Variants in SPRED2 observed in about 807,000 individuals in gnomAD.
The protein encoded by SPRED2 is sprouty related EVH1 domain containing 2, also known as sprouty-related, EVH1 domain-containing protein 2.
Under a neutral mutation model 43.0 loss-of-function variants are expected in SPRED2, and 47 were observed. The observed-to-expected ratio is 1.09, with a 90% CI of 0.87 to 1.40. The LOEUF is 1.40. Ranked by LOEUF, SPRED2 falls within the 40% of genes most tolerant of loss-of-function variation. SPRED2 has a pLI of 0.00. For synonymous variants in SPRED2, 225 were observed against 225.7 expected (o/e 1.00, Z 0.03); for missense variants, 561 against 586.4 (o/e 0.96, Z 0.45).
intron 4 of SPRED2, 50 bp from the exon 5 acceptor site, chr2:65,316,933 C>T (rs1380624517): frequency 6.3e-7 from 1 of 1,588,028 alleles, no homozygotes; most frequent in Admixed American, 1.7e-5. Flanking sequence ...ACAACAAAAA[C>T]CCCACGCAGC....
chr2:65,376,603 C>A (rs1396181473), intron 1 of SPRED2, among the ~76,000 whole-genome samples: 1 of 152,144 alleles, frequency 6.6e-6, no homozygotes, highest in African/African-American at 2.4e-5. Flanking sequence ...GTGTATCCTT[C>A]TAGGGTTTAT....
chr2:65,349,047 G>C (rs1047281227), intron 1 of SPRED2, among the ~76,000 whole-genome samples: 2 of 152,108 alleles, frequency 1.3e-5, no homozygotes, highest in Admixed American at 6.5e-5. Context: ...AGTGGCTCAC[G>C]CCTGTAATCC....
At chr2:65,427,015 T>C (rs964216385) in intron 1 of SPRED2, among the ~76,000 whole-genome samples, 5 of 152,206 alleles carry the variant, frequency 3.3e-5, no homozygotes, top group Admixed American at 2.6e-4. Context: ...CTATGACAGG[T>C]CCTAGCTTAC....
At chr2:65,314,375 A>T (rs778670004) in intron 5 of SPRED2, among the ~76,000 whole-genome samples, 4 of 152,222 alleles carry the variant, frequency 2.6e-5, no homozygotes, top group Non-Finnish European at 4.4e-5. Flanking sequence ...ATAGAGTCTC[A>T]ATCCATTAAT....
chr2:65,308,478 G>A, downstream of SPRED2: 2 of 985,428 alleles, frequency 2.0e-6, no homozygotes, highest in Non-Finnish European at 2.4e-6. Flanking sequence ...CACACAGGAT[G>A]TAGATCTAAA....
At chr2:65,428,328 TAA>T (rs1676603047) in intron 1 of SPRED2, among the ~76,000 whole-genome samples, 1 of 152,242 alleles carries the variant, frequency 6.6e-6, no homozygotes, top group African/African-American at 2.4e-5. Context: ...CCTTAGATCA[TAA>T]AGTGAGCAAA....
At position 65,344,372 on chromosome 2, in the gene SPRED2, T is replaced by A. The variant is rs971589574; in HGVS notation, c.204+347A>T. The A allele has an allele frequency of 2.8e-5, 10 of 354,062 alleles. No individual in the cohort carries two copies. In the Admixed American group the frequency reaches 3.7e-4, roughly 13 times the overall value. The allele number at this position is 354,062 out of a possible 1,614,324, so 21.9% of individuals were successfully genotyped here. ...AATAAACTCTACATTTTTAAAACACTGACTTCACAGCTCAGTACAATGTGA... is the reference window on the plus strand; with the variant it reads ...AATAAACTCTACATTTTTAAAACACAGACTTCACAGCTCAGTACAATGTGA... On this transcript the variant is annotated intron_variant, in intron 2 of 5. Coordinates refer to ENST00000356388, the MANE Select transcript of SPRED2 (RefSeq NM_181784.3).
intron 4 of SPRED2, among the ~76,000 whole-genome samples, chr2:65,321,899 A>C (rs930076429): frequency 1.1e-4 from 16 of 152,008 alleles, no homozygotes; most frequent in Non-Finnish European, 1.8e-4. Context: ...CAGCCTCCCG[A>C]GTGGCTGGGA....
intron 1 of SPRED2, among the ~76,000 whole-genome samples, chr2:65,401,933 G>GC (rs141434693): frequency 2.4e-5 from 2 of 83,754 alleles, no homozygotes; most frequent in Non-Finnish European, 5.0e-5. Flanking sequence ...ATTAGCGCGC[G>GC]CGCGCACACA....
intron 1 of SPRED2, among the ~76,000 whole-genome samples, chr2:65,362,162 G>A (rs1396662637): frequency 6.6e-6 from 1 of 152,186 alleles, no homozygotes; most frequent in Non-Finnish European, 1.5e-5. Flanking sequence ...TCTCAGATGT[G>A]CAGCAAAGAA....
At chr2:65,414,624 T>C (rs1426338064) in intron 1 of SPRED2, among the ~76,000 whole-genome samples, 1 of 152,208 alleles carries the variant, frequency 6.6e-6, no homozygotes, top group East Asian at 1.9e-4. Flanking sequence ...TCATTCAGAC[T>C]TCTACAGCAT....
At chr2:65,406,178 G>A (rs183626712) in intron 1 of SPRED2, among the ~76,000 whole-genome samples, 32 of 152,268 alleles carry the variant, frequency 2.1e-4, no homozygotes, top group South Asian at 4.1e-4. Flanking sequence ...ACCACCCCAC[G>A]GTGGCAGGTC....
intron 3 of SPRED2, chr2:65,334,230 G>A (rs1158717859): frequency 2.1e-6 from 1 of 473,154 alleles, no homozygotes; most frequent in Non-Finnish European, 4.4e-6. Context: ...GGTAGGCCAG[G>A]AGCCTTCTGG....
chr2:65,402,148 A>C (rs1412995516), intron 1 of SPRED2, among the ~76,000 whole-genome samples: 2 of 151,590 alleles, frequency 1.3e-5, no homozygotes, highest in African/African-American at 4.8e-5. Flanking sequence ...GCGTGGTGGC[A>C]TGCACCTGTA....
At chr2:65,352,742 G>C (rs1674546154) in intron 1 of SPRED2, among the ~76,000 whole-genome samples, 1 of 152,208 alleles carries the variant, frequency 6.6e-6, no homozygotes, top group South Asian at 2.1e-4. Context: ...TCCTGCCTCA[G>C]CCTCTCGAGT....
intron 1 of SPRED2, among the ~76,000 whole-genome samples, chr2:65,365,106 T>C (rs1255729025): frequency 6.6e-6 from 1 of 152,246 alleles, no homozygotes; most frequent in African/African-American, 2.4e-5. Context: ...TATATATGCA[T>C]GTATACACAC....
rs776512353 is a variant in SPRED2, at chr2:65,401,937, G to GCGCA, written c.26+30024_26+30025insTGCG. Among the ~76,000 whole-genome samples the GCGCA allele has an allele frequency of 1.2e-3, 134 of 114,760 alleles. 1 individual carries two copies. The highest frequency in any genetic ancestry group is 5.8e-4 in the Non-Finnish European group (31 of 53,648). The allele number at this position is 114,760 out of a possible 152,430, so 75.3% of individuals were successfully genotyped here. On this transcript the variant is annotated intron_variant, in intron 1 of 5. Coordinates refer to ENST00000356388, the MANE Select transcript of SPRED2 (RefSeq NM_181784.3). Reference sequence around the variant, plus strand: ...ACGATCAGAATATTAGCGCGCGCGCGCACACACACACACACACACACACAC... The same window carrying GCGCA: ...ACGATCAGAATATTAGCGCGCGCGCGCGCACACACACACACACACACACACACAC...
At chr2:65,430,276 T>C (rs1225518040) in intron 1 of SPRED2, among the ~76,000 whole-genome samples, 1 of 152,118 alleles carries the variant, frequency 6.6e-6, no homozygotes, top group African/African-American at 2.4e-5. Context: ...ACGTCTGAAA[T>C]AGAAACACCA....
At chr2:65,392,022 G>T (rs556200029) in intron 1 of SPRED2, among the ~76,000 whole-genome samples, 9 of 151,694 alleles carry the variant, frequency 5.9e-5, no homozygotes, top group East Asian at 1.9e-4. Context: ...GGTTGTCTTT[G>T]TCTCTTTTTA....
Sources: allele counts gnomAD v4.1 joint callset (sites outside exome capture counted in the v4.1 genomes callset), GRCh38; gene constraint gnomAD v4.1.1; transcripts MANE v1.5; gene names NCBI Gene and HGNC (gene_info 2026-07-23, HGNC 2026-07-21).